The following SLC44A1 variants were observed in gnomAD, a reference collection of about 807,000 sequenced individuals.
SLC44A1 encodes the protein solute carrier family 44 member 1.
SLC44A1 carries 26 observed loss-of-function variants against 79.3 expected under a neutral mutation model. The observed-to-expected ratio is 0.33, with a 90% CI of 0.24 to 0.46. SLC44A1 has a LOEUF of 0.46. Among genes scored for constraint, SLC44A1 ranks in the 20% least tolerant of loss-of-function variants. SLC44A1 has a pLI of 1.00. For missense variants in SLC44A1, 688 were observed against 798.1 expected (o/e 0.86, Z 1.66); for synonymous variants, 263 against 286.2 (o/e 0.92, Z 0.82).
chr9:105,338,931 G>A (rs1827004216), intron 4 of SLC44A1, among the ~76,000 whole-genome samples: 1 of 152,150 alleles, frequency 6.6e-6, no homozygotes, highest in African/African-American at 2.4e-5. Flanking sequence ...ATCAGTAAGA[G>A]GGGCTAGTTA....
At chr9:105,357,134 ATTTTC>A (rs1827646565) in intron 6 of SLC44A1, 1 of 152,070 alleles carries the variant, frequency 6.6e-6, no homozygotes. Flanking sequence ...ATTAGAGAGT[ATTTTC>A]TTTTTGCTTA....
intron 2 of SLC44A1, among the ~76,000 whole-genome samples, chr9:105,307,266 A>G (rs763939473): frequency 6.6e-6 from 1 of 152,208 alleles, no homozygotes; most frequent in Non-Finnish European, 1.5e-5. Flanking sequence ...CACAGCTAGT[A>G]ATTGGCAGAG....
At chr9:105,369,041 A>C (rs1828024415) in intron 12 of SLC44A1, among the ~76,000 whole-genome samples, 1 of 152,200 alleles carries the variant, frequency 6.6e-6, no homozygotes, top group South Asian at 2.1e-4. Flanking sequence ...CTTTCAAGAA[A>C]AAAGAAAGAA....
intron 15 of SLC44A1, among the ~76,000 whole-genome samples, chr9:105,406,181 A>T (rs1234213578): frequency 6.6e-6 from 1 of 152,042 alleles, no homozygotes; most frequent in African/African-American, 2.4e-5. Flanking sequence ...TCACTAGCTG[A>T]CCATAAACTA....
At chr9:105,244,978 G>T (rs1272484191) in intron 1 of SLC44A1, 74 bp downstream of exon 1, 4 of 515,620 alleles carry the variant, frequency 7.8e-6, no homozygotes, top group Admixed American at 1.3e-4. Flanking sequence ...GGCGCCCGCC[G>T]CCCGATACCT....
chr9:105,367,713 T>C (rs1827982668), intron 12 of SLC44A1, among the ~76,000 whole-genome samples: 1 of 152,162 alleles, frequency 6.6e-6, no homozygotes, highest in African/African-American at 2.4e-5. Flanking sequence ...TAGTTCCTAC[T>C]GAACCTTAAT....
At chr9:105,257,125 T>A (rs1258794177) in intron 1 of SLC44A1, among the ~76,000 whole-genome samples, 2 of 150,944 alleles carry the variant, frequency 1.3e-5, no homozygotes, top group East Asian at 3.9e-4. Context: ...AGACGGAGTT[T>A]CGCTCTTGTT....
chr9:105,386,271 A>G, intron 15 of SLC44A1: 2 of 966,452 alleles, frequency 2.1e-6, no homozygotes, highest in South Asian at 9.6e-5. Context: ...TAGCATAGAA[A>G]CAGATGCCTC....
chr9:105,335,206 A>G (rs1037833214), intron 3 of SLC44A1, among the ~76,000 whole-genome samples: 1 of 152,156 alleles, frequency 6.6e-6, no homozygotes, highest in East Asian at 1.9e-4. Flanking sequence ...ATGCTGTATT[A>G]TATAGCAGTA....
Position 105,393,317 on chromosome 9 carries a change from G to C in SLC44A1, c.*4261G>C, listed in dbSNP as rs1444355045. The C allele has an allele frequency of 1.0e-6, 1 of 985,270 alleles. No individual in the cohort carries two copies. Among genetic ancestry groups the C allele is most frequent in the Non-Finnish European group, 1.2e-6 (1 of 829,920 alleles). 61.0% of individuals were successfully genotyped at this position (985,270 alleles called of 1,614,324 possible). On this transcript the variant is annotated 3_prime_UTR_variant, in exon 16 of 16. Coordinates refer to ENST00000374720, the MANE Select transcript of SLC44A1 (RefSeq NM_080546.5). ...GAATTAACTCATCTTTGTTAACTTAGTGGCACATAGTCCAAATTTTTAAAA... is the reference window on the plus strand; with the variant it reads ...GAATTAACTCATCTTTGTTAACTTACTGGCACATAGTCCAAATTTTTAAAA...
rs1452928691 is a variant in SLC44A1 at position 105,390,844 on chromosome 9, G to T, written c.*1788G>T. The T allele has an allele frequency of 2.0e-6, 2 of 985,530 alleles. No individual in the cohort carries two copies. The highest frequency in any genetic ancestry group is 2.4e-6 in the Non-Finnish European group (2 of 829,890). 61.0% of individuals were successfully genotyped at this position (985,530 alleles called of 1,614,324 possible). On this transcript the variant is annotated 3_prime_UTR_variant, in exon 16 of 16. Coordinates refer to ENST00000374720, the MANE Select transcript of SLC44A1 (RefSeq NM_080546.5). ...GCAAGATCTGGGAAACCAACATTGC[G>T]AGAGTAGCTATTTTGAAAGAATAAT... is the stretch of plus-strand genomic sequence containing the variant.
Position 105,273,773 on chromosome 9 carries a change from A to G in SLC44A1, c.37-25447A>G, listed in dbSNP as rs533049295. Among the ~76,000 whole-genome samples the G allele has an allele frequency of 3.0e-4, 45 of 152,210 alleles. 1 individual carries two copies. The South Asian group carries it at 9.3e-3, about 32-fold the overall frequency. ...TCATTAAGCAGTTTTGTATTGCTCTAAAATCACTGTTTTTGCTTTTTTCCT... is the reference window on the plus strand; with the variant it reads ...TCATTAAGCAGTTTTGTATTGCTCTGAAATCACTGTTTTTGCTTTTTTCCT... On this transcript the variant is annotated intron_variant, in intron 1 of 15. Transcript: ENST00000374720.
chr9:105,305,058 A>G (rs1830990193), intron 2 of SLC44A1, among the ~76,000 whole-genome samples: 1 of 128,802 alleles, frequency 7.8e-6, no homozygotes, highest in Non-Finnish European at 1.6e-5. Flanking sequence ...GCAGTCTTGA[A>G]CTCCTGGGTT....
At position 105,390,885 on chromosome 9, in the gene SLC44A1, A is replaced by G; in HGVS notation, c.*1829A>G. On this transcript the variant is annotated 3_prime_UTR_variant, in exon 16 of 16. Transcript: ENST00000374720. ...AAAGAATAATTCTCCAGAAGTTAACATCTAATATCTAGTATCACCAAACAG... is the reference window on the plus strand; with the variant it reads ...AAAGAATAATTCTCCAGAAGTTAACGTCTAATATCTAGTATCACCAAACAG... 1 of 984,472 alleles carries G rather than the reference A, an allele frequency of 1.0e-6. No individual in the cohort carries two copies. 61.0% of individuals were successfully genotyped at this position (984,472 alleles called of 1,614,324 possible).
intron 3 of SLC44A1, among the ~76,000 whole-genome samples, chr9:105,323,043 C>T (rs7858178): frequency 0.058 from 8,704 of 149,412 alleles, 831 homozygotes; most frequent in African/African-American, 0.2. Flanking sequence ...GCCAACACCC[C>T]GTCTATTAAA....
intron 3 of SLC44A1, among the ~76,000 whole-genome samples, chr9:105,324,095 G>A (rs377505091): frequency 6.6e-5 from 10 of 152,002 alleles, no homozygotes; most frequent in East Asian, 5.8e-4. Flanking sequence ...TCCACCTCCC[G>A]GATTCACGCC....
At chr9:105,438,148 G>A (rs1301047224) in intron 15 of SLC44A1, 1 of 679,302 alleles carries the variant, frequency 1.5e-6, no homozygotes, top group Non-Finnish European at 2.6e-6. Context: ...GTGTGTGTGT[G>A]TGTGTAGCCT....
intron 5 of SLC44A1, among the ~76,000 whole-genome samples, chr9:105,353,329 A>AT (rs1478049665): frequency 7.9e-5 from 12 of 152,176 alleles, no homozygotes; most frequent in African/African-American, 2.2e-4. Flanking sequence ...TTCAGGGCAG[A>AT]TATTACCCAG....
intron 15 of SLC44A1, among the ~76,000 whole-genome samples, chr9:105,419,827 T>C (rs1290552574): frequency 6.9e-6 from 1 of 144,782 alleles, no homozygotes; most frequent in Non-Finnish European, 1.5e-5. Flanking sequence ...GACAGGAGAA[T>C]CACTTGAACC....
Sources: gnomAD v4.1 joint callset for allele counts (sites outside exome capture counted in the v4.1 genomes callset) on GRCh38, gnomAD v4.1.1 for gene constraint, MANE v1.5 for transcripts, NCBI Gene and HGNC (gene_info 2026-07-23, HGNC 2026-07-21) for gene names.